PEX14: variants seen among roughly 807,000 people sequenced by gnomAD.
The protein encoded by PEX14 is peroxisomal biogenesis factor 14.
In PEX14, 15 loss-of-function variants were observed where a neutral mutation model predicts 49.5. That is an observed-to-expected ratio of 0.30 (90% confidence interval 0.20 to 0.47). The LOEUF (loss-of-function observed/expected upper bound fraction) is 0.47. PEX14 is among the 20% of genes least tolerant of loss of function. The pLI is 1.00. For missense variants in PEX14, 398 were observed against 494.8 expected (o/e 0.80, Z 1.86); for synonymous variants, 210 against 212.7 (o/e 0.99, Z 0.11).
chr1:10,530,519 C>T (rs1333703787), intron 2 of PEX14, among the ~76,000 whole-genome samples: 1 of 152,214 alleles, frequency 6.6e-6, no homozygotes, highest in Non-Finnish European at 1.5e-5. Flanking sequence ...TCCCCTCTTG[C>T]CATTCCAGTG....
At chr1:10,583,391 T>TTC (rs1040207670) in intron 3 of PEX14, among the ~76,000 whole-genome samples, 5 of 145,772 alleles carry the variant, frequency 3.4e-5, no homozygotes, top group African/African-American at 1.4e-4. Flanking sequence ...AGCTTTTTTT[T>TTC]TTTTTTTTTT....
At chr1:10,602,863 G>A (rs920901731) in intron 4 of PEX14, among the ~76,000 whole-genome samples, 11 of 152,164 alleles carry the variant, frequency 7.2e-5, no homozygotes, top group East Asian at 1.9e-4. Context: ...TGTTCCTGCC[G>A]ATTTTACATC....
rs1022171459 is a variant in PEX14 at position 10,533,033 on chromosome 1, TCCC to T, written c.85-3176_85-3174del. ...TAAAATTCTAGATTGGACAGGTCCT[TCCC>T]CCCATTTTGTAGTGCCAGTTCCTTG... On this transcript the variant is annotated intron_variant, in intron 2 of 8. Transcript: ENST00000356607. 3.3e-5 allele frequency among the ~76,000 whole-genome samples: 5 copies of T among 152,146 alleles called. No homozygotes were observed. In the East Asian group the frequency reaches 9.7e-4, roughly 29 times the overall value.
At chr1:10,595,439 C>T (rs2124596162) in intron 3 of PEX14, among the ~76,000 whole-genome samples, 1 of 152,252 alleles carries the variant, frequency 6.6e-6, no homozygotes, top group South Asian at 2.1e-4. Context: ...TTTTAATTGT[C>T]AGTGCTATAG....
chr1:10,570,038 G>A (rs1289456397), intron 3 of PEX14, among the ~76,000 whole-genome samples: 2 of 151,988 alleles, frequency 1.3e-5, no homozygotes, highest in African/African-American at 4.8e-5. Context: ...GTCCTGGCTT[G>A]ACCCTCAAGT....
chr1:10,518,139 TC>T (rs1404511148), intron 2 of PEX14, among the ~76,000 whole-genome samples: 1 of 152,150 alleles, frequency 6.6e-6, no homozygotes, highest in Non-Finnish European at 1.5e-5. Flanking sequence ...TTTTTCGCTC[TC>T]CTCTCCTTAA....
chr1:10,599,959 T>G (rs1259989929), intron 4 of PEX14, among the ~76,000 whole-genome samples: 1 of 152,200 alleles, frequency 6.6e-6, no homozygotes, highest in African/African-American at 2.4e-5. Flanking sequence ...TCTTTCGTTG[T>G]CTTAAATGAA....
At chr1:10,599,105 G>T in intron 3 of PEX14, 133 bp from the exon 4 acceptor site, 1 of 882,046 alleles carries the variant, frequency 1.1e-6, no homozygotes. Context: ...CGGAGAATCT[G>T]AAATCGGGGA....
intron 1 of PEX14, among the ~76,000 whole-genome samples, chr1:10,485,939 G>T (rs1250908075): frequency 2.0e-5 from 3 of 151,714 alleles, no homozygotes; most frequent in Non-Finnish European, 4.4e-5. Context: ...TGTATTTTTA[G>T]TAGAGACGGG....
rs1641588733 is a variant in PEX14 at position 10,497,427 on chromosome 1, C to T, written c.84+2106C>T. ...TTCTCAGGCCATGTGTATTTGCTGT[C>T]TCCTGCATGCTCAGCTTAGCTCAGC... On this transcript the variant is annotated intron_variant, in intron 2 of 8. Coordinates refer to ENST00000356607, the MANE Select transcript of PEX14 (RefSeq NM_004565.3). 3.3e-5 allele frequency among the ~76,000 whole-genome samples: 5 copies of T among 152,348 alleles called. No individual in the cohort carries two copies. The South Asian group carries it at 1.0e-3, about 32-fold the overall frequency.
intron 3 of PEX14, among the ~76,000 whole-genome samples, chr1:10,576,812 C>T (rs1264817308): frequency 6.0e-5 from 9 of 149,286 alleles, no homozygotes; most frequent in South Asian, 2.1e-4. Context: ...AGCTGGAGTG[C>T]GTGGCGCGAT....
chr1:10,558,341 CTT>C (rs1379521037), intron 3 of PEX14, among the ~76,000 whole-genome samples: 1 of 152,024 alleles, frequency 6.6e-6, no homozygotes, highest in Admixed American at 6.6e-5. Context: ...TTTAGAATCA[CTT>C]TTATCATCTT....
intron 4 of PEX14, among the ~76,000 whole-genome samples, chr1:10,614,799 A>G (rs1453627757): frequency 6.6e-6 from 1 of 152,222 alleles, no homozygotes; most frequent in Non-Finnish European, 1.5e-5. Context: ...CCTCCTGAGC[A>G]GGGACTCTGA....
intron 5 of PEX14, among the ~76,000 whole-genome samples, chr1:10,621,051 A>C (rs1641574972): frequency 6.6e-6 from 1 of 152,202 alleles, no homozygotes; most frequent in Middle Eastern, 3.2e-3. Context: ...TAGCGTGGGC[A>C]CTCACACGGA....
chr1:10,480,864 TATATA>T (rs777781246), intron 1 of PEX14, among the ~76,000 whole-genome samples: 1 of 141,562 alleles, frequency 7.1e-6, no homozygotes, highest in Non-Finnish European at 1.5e-5. Context: ...TCTCTCTATA[TATATA>T]TTTTTTTTTT....
intron 2 of PEX14, among the ~76,000 whole-genome samples, chr1:10,518,808 A>AT (rs1642016811): frequency 6.6e-6 from 1 of 152,170 alleles, no homozygotes; most frequent in Non-Finnish European, 1.5e-5. Context: ...GGCTCTTTAC[A>AT]GAAGAGATGC....
At chr1:10,555,496 C>T (rs1557842364) in intron 3 of PEX14, among the ~76,000 whole-genome samples, 1 of 152,118 alleles carries the variant, frequency 6.6e-6, no homozygotes, top group South Asian at 2.1e-4. Flanking sequence ...GTAATTAAAC[C>T]GCAGCGTTTA....
intron 3 of PEX14, among the ~76,000 whole-genome samples, chr1:10,578,389 G>C (rs1640212704): frequency 6.6e-6 from 1 of 152,070 alleles, no homozygotes; most frequent in Non-Finnish European, 1.5e-5. Context: ...TTTTCCCTAG[G>C]ACTAAGGGCA....
intron 3 of PEX14, among the ~76,000 whole-genome samples, chr1:10,559,162 C>G (rs1639578004): frequency 6.6e-6 from 1 of 152,148 alleles, no homozygotes; most frequent in Middle Eastern, 3.4e-3. Context: ...ACTGGCCCTT[C>G]TAGAACAGCT....
Sources: gnomAD v4.1 joint callset for allele counts (sites outside exome capture counted in the v4.1 genomes callset) on GRCh38, gnomAD v4.1.1 for gene constraint, MANE v1.5 for transcripts, NCBI Gene and HGNC (gene_info 2026-07-23, HGNC 2026-07-21) for gene names.